ZFHX3: variants seen among roughly 807,000 people sequenced by gnomAD.
ZFHX3 encodes zinc finger homeobox protein 3.
Under a neutral mutation model 279.1 loss-of-function variants are expected in ZFHX3, and 42 were observed. The observed-to-expected ratio is 0.15, with a 90% CI of 0.12 to 0.19. ZFHX3 has a LOEUF of 0.19. Among genes scored for constraint, ZFHX3 ranks in the 10% least tolerant of loss-of-function variants. The pLI is 1.00. For missense variants in ZFHX3, 4,981 were observed against 4,754.0 expected (o/e 1.05, Z -1.40); for synonymous variants, 2,293 against 1,957.8 (o/e 1.17, Z -4.52).
At chr16:72,860,025 C>T (rs910074634) in intron 4 of ZFHX3, among the ~76,000 whole-genome samples, 8 of 152,184 alleles carry the variant, frequency 5.3e-5, no homozygotes, top group African/African-American at 1.7e-4. Flanking sequence ...TTCTTATTTC[C>T]GTGCCCCTCG....
chr16:73,706,339 G>A (rs1179184269), intron 1 of ZFHX3, among the ~76,000 whole-genome samples: 1 of 151,374 alleles, frequency 6.6e-6, no homozygotes, highest in Non-Finnish European at 1.5e-5. Context: ...GCAGGCGCCT[G>A]TAATCCCAGC....
chr16:73,693,967 A>C (rs2053172108), intron 1 of ZFHX3, among the ~76,000 whole-genome samples: 1 of 152,086 alleles, frequency 6.6e-6, no homozygotes, highest in Non-Finnish European at 1.5e-5. Context: ...AATTCTGGAC[A>C]AAGTTGTCTC....
intron 3 of ZFHX3, among the ~76,000 whole-genome samples, chr16:72,898,608 G>A (rs974709483): frequency 9.2e-5 from 14 of 152,044 alleles, no homozygotes; most frequent in Non-Finnish European, 1.6e-4. Context: ...GAATGTCGAC[G>A]CCTCCATGTA....
intron 3 of ZFHX3, among the ~76,000 whole-genome samples, chr16:73,378,253 T>C (rs575767122): frequency 6.6e-6 from 1 of 152,112 alleles, no homozygotes; most frequent in Non-Finnish European, 1.5e-5. Context: ...ATCATTACTT[T>C]AAAATCTTTT....
chr16:73,581,659 CTTTTTTTTTT>C (rs11286052), intron 2 of ZFHX3, among the ~76,000 whole-genome samples: 2 of 73,428 alleles, frequency 2.7e-5, no homozygotes, highest in Non-Finnish European at 5.3e-5. Flanking sequence ...TCGAATGTCT[CTTTTTTTTTT>C]TTTTTTTTTT....
chr16:72,806,379 G>C (rs1436088488), intron 7 of ZFHX3, among the ~76,000 whole-genome samples: 1 of 152,180 alleles, frequency 6.6e-6, no homozygotes, highest in South Asian at 2.1e-4. Context: ...AGAGAGGTGA[G>C]AACTGAGAAG....
intron 1 of ZFHX3, among the ~76,000 whole-genome samples, chr16:73,682,896 A>AAG (rs1161304248): frequency 2.7e-4 from 6 of 22,302 alleles, no homozygotes; most frequent in South Asian, 2.0e-3. Context: ...GAAAGAAAGA[A>AAG]AGAAAGAAAG....
chr16:73,494,244 G>A (rs561496394), intron 2 of ZFHX3, among the ~76,000 whole-genome samples: 230 of 152,308 alleles, frequency 1.5e-3, no homozygotes, highest in Non-Finnish European at 2.5e-3. Context: ...CAATACGGAC[G>A]GAGCGGTTTG....
intron 1 of ZFHX3, among the ~76,000 whole-genome samples, chr16:73,841,704 G>C (rs1241390854): frequency 6.6e-6 from 1 of 152,146 alleles, no homozygotes; most frequent in East Asian, 1.9e-4. Flanking sequence ...GAAATCTAAA[G>C]AATAAAGTTT....
chr16:72,980,146 G>A (rs978840195), intron 1 of ZFHX3, among the ~76,000 whole-genome samples: 5 of 152,182 alleles, frequency 3.3e-5, no homozygotes, highest in East Asian at 1.9e-4. Context: ...GTTTGCTGAC[G>A]TCAGAGAGCC....
intron 7 of ZFHX3, among the ~76,000 whole-genome samples, chr16:73,106,245 G>C (rs918455431): frequency 6.6e-6 from 1 of 152,004 alleles, no homozygotes; most frequent in Admixed American, 6.6e-5. Flanking sequence ...CTGGGTCCTA[G>C]GTGGCTGGAT....
chr16:73,223,498 G>T (rs567704877), intron 5 of ZFHX3, among the ~76,000 whole-genome samples: 126 of 152,214 alleles, frequency 8.3e-4, no homozygotes, highest in African/African-American at 2.9e-3. Flanking sequence ...TCAAGAAAGT[G>T]CAAATTACAC....
At chr16:73,138,984 C>A (rs895547348) in intron 6 of ZFHX3, among the ~76,000 whole-genome samples, 11 of 152,202 alleles carry the variant, frequency 7.2e-5, no homozygotes, top group Admixed American at 7.2e-4. Context: ...AGCCACTGTG[C>A]CCTGCCTGGT....
intron 2 of ZFHX3, among the ~76,000 whole-genome samples, chr16:73,641,201 T>C (rs953136152): frequency 1.3e-5 from 2 of 151,958 alleles, no homozygotes; most frequent in African/African-American, 4.8e-5. Context: ...TGAAGTATGC[T>C]AACAAAATGA....
chr16:72,872,651 GTTTCAC>G (rs1303364589), intron 4 of ZFHX3, among the ~76,000 whole-genome samples: 1 of 152,152 alleles, frequency 6.6e-6, no homozygotes, highest in African/African-American at 2.4e-5. Flanking sequence ...TAGAGAAGGG[GTTTCAC>G]TATGTTGGCC....
intron 1 of ZFHX3, among the ~76,000 whole-genome samples, chr16:73,887,442 T>C (rs958481848): frequency 1.3e-5 from 2 of 152,204 alleles, no homozygotes; most frequent in Non-Finnish European, 2.9e-5. Flanking sequence ...ACATGTTCTA[T>C]AAAGATGAAA....
chr16:73,852,019 T>C (rs1597144022), intron 1 of ZFHX3, among the ~76,000 whole-genome samples: 1 of 152,200 alleles, frequency 6.6e-6, no homozygotes, highest in Admixed American at 6.5e-5. Context: ...TCCTGAATGA[T>C]TGCCCAAGGT....
chr16:73,286,064 A>T (rs2014587957), intron 4 of ZFHX3, among the ~76,000 whole-genome samples: 1 of 152,166 alleles, frequency 6.6e-6, no homozygotes, highest in Non-Finnish European at 1.5e-5. Context: ...TCTGTCACGT[A>T]AACACATTTC....
intron 1 of ZFHX3, among the ~76,000 whole-genome samples, chr16:73,820,895 G>A (rs1299975884): frequency 6.6e-6 from 1 of 151,540 alleles, no homozygotes; most frequent in Admixed American, 6.6e-5. Context: ...TTGATCAAAG[G>A]GAATTAACAG....
Sources: gnomAD v4.1 joint callset for allele counts (sites outside exome capture counted in the v4.1 genomes callset) on GRCh38, gnomAD v4.1.1 for gene constraint, MANE v1.5 for transcripts, NCBI Gene and HGNC (gene_info 2026-07-23, HGNC 2026-07-21) for gene names.